TMX4: variants seen among roughly 807,000 people sequenced by gnomAD.
TMX4 encodes thioredoxin-related transmembrane protein 4.
A neutral mutation model predicts 33.3 loss-of-function variants in TMX4; 23 were observed. The ratio of observed to expected loss-of-function variants is 0.69; its 90% CI spans 0.50 to 0.98. The LOEUF (loss-of-function observed/expected upper bound fraction) is 0.98, where lower values mean the gene tolerates loss of function less well. Ranked by LOEUF, TMX4 falls within the 50% of genes least tolerant of loss-of-function variation. TMX4 has a pLI of 0.00. For missense variants in TMX4, 399 were observed against 448.9 expected (o/e 0.89, Z 1.01); for synonymous variants, 164 against 161.5 (o/e 1.02, Z -0.12).
chr20:7,982,423 C>G lies in TMX4; in HGVS notation c.878G>C (p.Arg293Thr), dbSNP rs200635426. The part of the protein sequence containing the change: ...DNLAAGVDEE[R>T]SEANDQGPPG... ...GGGCCCCTGATCATTGGCCTCACTT[C>G]TCTCCTCATCCACACCAGCAGCCAA... Residue 293 changes from arginine to threonine, a missense_variant, in exon 8 of 8, where the codon AGA (arginine) becomes ACA (threonine). By Grantham distance (71) the Arg-to-Thr change is moderately conservative (BLOSUM62 -1). Transcript: ENST00000246024. 6.2e-7 allele frequency: 1 copy of G among 1,614,164 alleles called. No homozygotes were observed.
chr20:8,012,064 C>T (rs1023717848), intron 1 of TMX4, among the ~76,000 whole-genome samples: 1 of 151,958 alleles, frequency 6.6e-6, no homozygotes, highest in Non-Finnish European at 1.5e-5. Context: ...TTCTAAATAT[C>T]CAAGTTAACA....
chr20:7,999,693 G>A (rs200767534), intron 4 of TMX4, 39 bp downstream of exon 4: 5 of 1,589,604 alleles, frequency 3.1e-6, no homozygotes, highest in African/African-American at 2.7e-5. Context: ...AAAACCTCCT[G>A]TTTTATTAGT....
intron 2 of TMX4, among the ~76,000 whole-genome samples, chr20:8,008,151 G>A (rs2050738249): frequency 6.6e-6 from 1 of 152,132 alleles, no homozygotes; most frequent in African/African-American, 2.4e-5. Flanking sequence ...AATATGAAAT[G>A]AAATATTTTC....
intron 1 of TMX4, among the ~76,000 whole-genome samples, chr20:8,011,604 C>A (rs138317111): frequency 6.6e-6 from 1 of 152,020 alleles, no homozygotes; most frequent in East Asian, 1.9e-4. Flanking sequence ...GGTTAAAAAG[C>A]GAAGACTAGG....
chr20:7,982,655 T>A (rs1195781227), intron 7 of TMX4, 34 bp from the exon 8 acceptor site: 2 of 1,565,490 alleles, frequency 1.3e-6, no homozygotes, highest in South Asian at 2.4e-5. Flanking sequence ...ATCCTCTGAA[T>A]AAACAATGGT....
rs1568541315 is a variant in TMX4, at chr20:8,018,515, AGAGAGAGAGAGAG to A, written c.176+910_176+922del. Among the ~76,000 whole-genome samples the A allele has an allele frequency of 1.9e-3, 83 of 44,308 alleles. 20 individuals carry two copies. In the African/African-American group the frequency reaches 0.023, roughly 12 times the overall value. 29.1% of individuals were successfully genotyped at this position (44,308 alleles called of 152,430 possible). On this transcript the variant is annotated intron_variant, in intron 1 of 7. Transcript: ENST00000246024. ...GAGAGAGAGAGAGAGAGAGAGAGAG[AGAGAGAGAGAGAG>A]TCTGCAAGCCCACCATGATGGTCTC...
intron 2 of TMX4, among the ~76,000 whole-genome samples, chr20:8,002,563 T>C (rs1383746003): frequency 6.6e-6 from 1 of 152,060 alleles, no homozygotes; most frequent in Non-Finnish European, 1.5e-5. Flanking sequence ...CATGGAAAAA[T>C]GACAGAGGCA....
chr20:7,987,294 C>A lies in TMX4; in HGVS notation c.609G>T (p.Met203Ile), dbSNP rs748092194. ...VIATLVFGLFMGLVLVVISEC... is the reference protein window; with the variant it reads ...VIATLVFGLFIGLVLVVISEC... The stretch of plus-strand genomic sequence containing the variant: ...GTTTGGTATTATCTCTTACCAGACC[C>A]ATAAAAAGGCCAAAAACCAAGGTGG... The change falls in exon 6 of 8, where the codon ATG becomes ATT. Residue 203 changes from methionine (M) to isoleucine (I), a missense_variant. Coordinates refer to ENST00000246024, the MANE Select transcript of TMX4 (RefSeq NM_021156.4). 4 of 1,582,940 alleles carry A rather than the reference C, an allele frequency of 2.5e-6. No homozygotes were observed. Among genetic ancestry groups the A allele is most frequent in the Non-Finnish European group, 3.4e-6 (4 of 1,169,070 alleles).
Position 7,982,194 on chromosome 20 carries a change from C to A in TMX4, c.*57G>T. Reference sequence around the variant, plus strand: ...TTAAGGATTTGGTACAAACTGCAGGCCAAAGGGAAGCTGACATATTGTTTT... The same window carrying A: ...TTAAGGATTTGGTACAAACTGCAGGACAAAGGGAAGCTGACATATTGTTTT... On this transcript the variant is annotated 3_prime_UTR_variant, in exon 8 of 8. Transcript: ENST00000246024. The A allele has an allele frequency of 6.5e-7, 1 of 1,540,274 alleles. No individual in the cohort carries two copies. The highest frequency in any genetic ancestry group is 8.8e-7 in the Non-Finnish European group (1 of 1,140,908).
chr20:7,983,987 C>T lies in TMX4; in HGVS notation c.616-130G>A, dbSNP rs539527805. 7.1e-5 allele frequency: 44 copies of T among 615,476 alleles called. 1 individual carries two copies. Among genetic ancestry groups the T allele is most frequent in the African/African-American group, 6.5e-4 (35 of 53,468 alleles). 38.1% of individuals were successfully genotyped at this position (615,476 alleles called of 1,614,324 possible). ...ATTAGCAGCTAGTCAAAAGTCTTCACAAGAGACAAGGATATAATTAAGAAT... is the reference window on the plus strand; with the variant it reads ...ATTAGCAGCTAGTCAAAAGTCTTCATAAGAGACAAGGATATAATTAAGAAT... On this transcript the variant is annotated intron_variant, in intron 6 of 7. Transcript: ENST00000246024.
chr20:8,012,547 C>T (rs539652175), intron 1 of TMX4, among the ~76,000 whole-genome samples: 23 of 152,132 alleles, frequency 1.5e-4, no homozygotes, highest in African/African-American at 5.5e-4. Flanking sequence ...CTTCAACATT[C>T]AGAGGGAGAA....
intron 2 of TMX4, among the ~76,000 whole-genome samples, chr20:8,009,050 C>A (rs1014485098): frequency 6.6e-6 from 1 of 152,042 alleles, no homozygotes; most frequent in Non-Finnish European, 1.5e-5. Flanking sequence ...CACTTCTATA[C>A]CCATCTTCTT....
At chr20:8,010,521 A>T (rs2050748670) in intron 1 of TMX4, among the ~76,000 whole-genome samples, 1 of 152,096 alleles carries the variant, frequency 6.6e-6, no homozygotes. Context: ...ATAGGAAAAA[A>T]TTTGGCCAAA....
Position 7,995,160 on chromosome 20 carries a change from GAA to G in TMX4, c.513+864_513+865del, listed in dbSNP as rs77729123. On this transcript the variant is annotated intron_variant, in intron 5 of 7. Coordinates refer to ENST00000246024, the MANE Select transcript of TMX4 (RefSeq NM_021156.4). ...CATATATGAATGTGTATGAGAAACA[GAA>G]AAAGAGTCTTCACAAACTCTTTGAA... 1.4e-3 allele frequency among the ~76,000 whole-genome samples: 207 copies of G among 152,234 alleles called. 4 individuals are homozygous for G. In the East Asian group the frequency reaches 0.034, roughly 25 times the overall value.
chr20:8,019,446 C>A lies in TMX4; in HGVS notation c.168G>T (p.Met56Ile). 1 of 1,518,000 alleles carries A rather than the reference C, an allele frequency of 6.6e-7. No individual in the cohort carries two copies. Among genetic ancestry groups the A allele is most frequent in the Non-Finnish European group, 8.8e-7 (1 of 1,132,202 alleles). The allele number at this position is 1,518,000 out of a possible 1,614,324, so 94.0% of individuals were successfully genotyped here. Residue 56 changes from methionine (M) to isoleucine (I), a missense_variant, in exon 1 of 8, where the codon ATG becomes ATT. By Grantham distance (10) the Met-to-Ile change is conservative. Coordinates refer to ENST00000246024, the MANE Select transcript of TMX4 (RefSeq NM_021156.4). Reference protein sequence around the residue: ...NWTLVMEGEWMLKFYAPWCPS... With the variant: ...NWTLVMEGEWILKFYAPWCPS... Reference sequence around the variant, plus strand: ...CGGGCGGGCACACTCACAATTTCAGCATCCACTCGCCCTCCATCACCAGCG... The same window carrying A: ...CGGGCGGGCACACTCACAATTTCAGAATCCACTCGCCCTCCATCACCAGCG...
intron 6 of TMX4, among the ~76,000 whole-genome samples, chr20:7,985,635 A>C: frequency 6.6e-6 from 1 of 152,172 alleles, no homozygotes; most frequent in East Asian, 1.9e-4. Context: ...TTAACAGTAA[A>C]TGTATGAATC....
chr20:8,016,674 T>C (rs549909104), intron 1 of TMX4, among the ~76,000 whole-genome samples: 2 of 152,158 alleles, frequency 1.3e-5, no homozygotes, highest in Non-Finnish European at 2.9e-5. Flanking sequence ...AACCAGAAAC[T>C]GCATTAGAGG....
At chr20:8,000,919 T>C (rs2050703842) in intron 3 of TMX4, among the ~76,000 whole-genome samples, 1 of 152,204 alleles carries the variant, frequency 6.6e-6, no homozygotes, top group African/African-American at 2.4e-5. Context: ...CAATAGCTTT[T>C]ACTAGTTAGT....
chr20:7,992,917 T>C (rs2050661073), intron 5 of TMX4, among the ~76,000 whole-genome samples: 1 of 152,202 alleles, frequency 6.6e-6, no homozygotes, highest in Non-Finnish European at 1.5e-5. Context: ...ATAGAAGTTA[T>C]AGAAAAAACG....
Sources: allele counts gnomAD v4.1 joint callset (sites outside exome capture counted in the v4.1 genomes callset), GRCh38; gene constraint gnomAD v4.1.1; transcripts MANE v1.5; gene names NCBI Gene and HGNC (gene_info 2026-07-23, HGNC 2026-07-21).